Variants in FSTL5 observed in about 807,000 individuals in gnomAD.
FSTL5 encodes the protein follistatin-related protein 5.
A neutral mutation model predicts 89.1 loss-of-function variants in FSTL5; 62 were observed. That is an observed-to-expected ratio of 0.70 (90% CI 0.57 to 0.86). The LOEUF is 0.86. FSTL5 is among the 40% of genes least tolerant of loss of function. The pLI is 0.00. For synonymous variants in FSTL5, 383 were observed against 346.2 expected (o/e 1.11, Z -1.18); for missense variants, 1,057 against 1,001.6 (o/e 1.06, Z -0.75).
chr4:161,490,756 A>T (rs969404792), intron 12 of FSTL5, among the ~76,000 whole-genome samples: 3 of 152,158 alleles, frequency 2.0e-5, no homozygotes, highest in African/African-American at 7.2e-5. Context: ...TTTAATTTTT[A>T]AGCATTACTG....
chr4:161,666,999 T>C (rs190292217), intron 6 of FSTL5, among the ~76,000 whole-genome samples: 1 of 152,224 alleles, frequency 6.6e-6, no homozygotes, highest in East Asian at 1.9e-4. Flanking sequence ...AATATTGTTT[T>C]TTATTCTCAT....
At chr4:162,115,181 T>C (rs1396397119) in intron 1 of FSTL5, among the ~76,000 whole-genome samples, 4 of 152,168 alleles carry the variant, frequency 2.6e-5, no homozygotes, top group Non-Finnish European at 5.9e-5. Context: ...ATAACTACTT[T>C]GTAATTTTTT....
At chr4:162,017,211 A>G (rs1026266295) in intron 3 of FSTL5, among the ~76,000 whole-genome samples, 9 of 152,200 alleles carry the variant, frequency 5.9e-5, no homozygotes, top group African/African-American at 1.4e-4. Flanking sequence ...TGCAGACCAC[A>G]TAACAGATGG....
intron 3 of FSTL5, among the ~76,000 whole-genome samples, chr4:161,950,269 T>C (rs1166623770): frequency 1.3e-5 from 2 of 152,278 alleles, no homozygotes; most frequent in South Asian, 2.1e-4. Flanking sequence ...TGTTTTAACA[T>C]GGGAGACTTA....
At chr4:161,531,710 G>A (rs1731417103) in intron 10 of FSTL5, among the ~76,000 whole-genome samples, 1 of 152,024 alleles carries the variant, frequency 6.6e-6, no homozygotes, top group African/African-American at 2.4e-5. Context: ...TCAATCAGTG[G>A]AGTCCATGTT....
intron 15 of FSTL5, among the ~76,000 whole-genome samples, chr4:161,400,534 C>G (rs1171197482): frequency 1.3e-5 from 2 of 151,846 alleles, no homozygotes; most frequent in Non-Finnish European, 2.9e-5. Flanking sequence ...TTAACAAATA[C>G]TAGGATATGT....
intron 15 of FSTL5, among the ~76,000 whole-genome samples, chr4:161,454,374 T>C (rs1733275849): frequency 6.6e-6 from 1 of 152,214 alleles, no homozygotes; most frequent in African/African-American, 2.4e-5. Flanking sequence ...TTTAAACCTC[T>C]TCTATAAAGC....
At chr4:161,416,557 T>C (rs1456206100) in intron 15 of FSTL5, among the ~76,000 whole-genome samples, 1 of 152,094 alleles carries the variant, frequency 6.6e-6, no homozygotes, top group Non-Finnish European at 1.5e-5. Flanking sequence ...AAAAATACTC[T>C]GCATGGGCCA....
intron 7 of FSTL5, among the ~76,000 whole-genome samples, chr4:161,639,412 G>GA (rs1312436627): frequency 3.3e-5 from 5 of 152,112 alleles, no homozygotes. Context: ...CGTTATAGGT[G>GA]TATTATTTAT....
At chr4:161,682,887 C>T (rs1737572344) in intron 6 of FSTL5, among the ~76,000 whole-genome samples, 1 of 152,072 alleles carries the variant, frequency 6.6e-6, no homozygotes, top group African/African-American at 2.4e-5. Context: ...GCTAGGATTA[C>T]AGGCATGCAC....
intron 4 of FSTL5, among the ~76,000 whole-genome samples, chr4:161,904,785 C>T (rs995635483): frequency 1.3e-5 from 2 of 151,754 alleles, no homozygotes; most frequent in Non-Finnish European, 2.9e-5. Context: ...ATCATTGATT[C>T]CTCAGCCAAT....
At chr4:161,436,811 T>C (rs903922037) in intron 15 of FSTL5, among the ~76,000 whole-genome samples, 7 of 152,166 alleles carry the variant, frequency 4.6e-5, no homozygotes, top group African/African-American at 1.7e-4. Context: ...TTGCTTGCAA[T>C]AGAGAAAACA....
At chr4:161,964,778 C>T (rs542332148) in intron 3 of FSTL5, among the ~76,000 whole-genome samples, 3 of 152,100 alleles carry the variant, frequency 2.0e-5, no homozygotes, top group East Asian at 1.9e-4. Context: ...ATTTATGAAA[C>T]ATGATTTTTG....
rs1736187027 is a variant in FSTL5 at position 161,993,150 on chromosome 4, C to T, written c.160+40475G>A. Among the ~76,000 whole-genome samples the T allele has an allele frequency of 2.6e-5, 4 of 150,982 alleles. No homozygotes were observed. In the South Asian group the frequency reaches 8.3e-4, roughly 31 times the overall value. ...TTAAAAATATATTTATTTGTCAATACTTATTTATCTTTTTAATAATTCAGG... is the reference window on the plus strand; with the variant it reads ...TTAAAAATATATTTATTTGTCAATATTTATTTATCTTTTTAATAATTCAGG... On this transcript the variant is annotated intron_variant, in intron 3 of 15. Coordinates refer to ENST00000306100, the MANE Select transcript of FSTL5 (RefSeq NM_020116.5).
intron 8 of FSTL5, among the ~76,000 whole-genome samples, chr4:161,549,423 G>A (rs192862214): frequency 6.6e-6 from 1 of 151,830 alleles, no homozygotes; most frequent in African/African-American, 2.4e-5. Context: ...GAGAGAAGAG[G>A]TTTTGCCTTA....
At chr4:161,570,857 T>C (rs1732983100) in intron 8 of FSTL5, among the ~76,000 whole-genome samples, 1 of 152,140 alleles carries the variant, frequency 6.6e-6, no homozygotes, top group African/African-American at 2.4e-5. Flanking sequence ...GGTTCACACC[T>C]GTAATCCCAG....
At chr4:161,853,073 T>C (rs1731606462) in intron 4 of FSTL5, among the ~76,000 whole-genome samples, 1 of 152,220 alleles carries the variant, frequency 6.6e-6, no homozygotes, top group Admixed American at 6.5e-5. Flanking sequence ...TTTTATCATT[T>C]ACTTGAGCAA....
chr4:161,990,657 T>C lies in FSTL5; in HGVS notation c.160+42968A>G, dbSNP rs904383050. On this transcript the variant is annotated intron_variant, in intron 3 of 15. Transcript: ENST00000306100. The stretch of plus-strand genomic sequence containing the variant: ...CAATTAGATATGAAAATTTATAGTT[T>C]GATAAGAACAGAGACTCTACAGTAT... Among the ~76,000 whole-genome samples the C allele has an allele frequency of 9.2e-5, 14 of 152,126 alleles. 1 individual carries two copies. Among genetic ancestry groups the C allele is most frequent in the Admixed American group, 7.9e-4 (12 of 15,268 alleles).
At chr4:161,948,692 C>T (rs1351452569) in intron 3 of FSTL5, among the ~76,000 whole-genome samples, 1 of 151,832 alleles carries the variant, frequency 6.6e-6, no homozygotes, top group Admixed American at 6.6e-5. Flanking sequence ...AGGTGATCCG[C>T]CCGCCTTGGC....
Sources: allele counts gnomAD v4.1 joint callset (sites outside exome capture counted in the v4.1 genomes callset), GRCh38; gene constraint gnomAD v4.1.1; transcripts MANE v1.5; gene names NCBI Gene and HGNC (gene_info 2026-07-23, HGNC 2026-07-21).